The following CLEC9A variants were observed in gnomAD, a reference collection of about 807,000 sequenced individuals.
The protein encoded by CLEC9A is C-type lectin domain family 9 member A.
Under a neutral mutation model 30.0 loss-of-function variants are expected in CLEC9A, and 24 were observed. That is an observed-to-expected ratio of 0.80 (90% CI 0.58 to 1.13). The LOEUF (loss-of-function observed/expected upper bound fraction) is 1.13, where lower values mean the gene tolerates loss of function less well. Among genes scored for constraint, CLEC9A ranks in the 50% most tolerant of loss-of-function variants. The pLI, the probability that CLEC9A is intolerant of heterozygous loss-of-function variation, is 0.00. For synonymous variants in CLEC9A, 111 were observed against 96.8 expected, an observed-to-expected ratio of 1.15 and a Z score of -0.86; for missense variants, 251 against 280.9, an observed-to-expected ratio of 0.89 and a Z score of 0.76.
intron 1 of CLEC9A, among the ~76,000 whole-genome samples, chr12:10,040,512 G>A (rs1316575861): frequency 1.3e-5 from 2 of 150,156 alleles, no homozygotes; most frequent in Admixed American, 6.6e-5. Flanking sequence ...GTGCGGTGGC[G>A]CCATCTCGGC....
intron 4 of CLEC9A, 61 bp from the exon 5 acceptor site, chr12:10,054,210 T>C: frequency 7.7e-7 from 1 of 1,299,390 alleles, no homozygotes; most frequent in Non-Finnish European, 1.1e-6. Context: ...AATCTATCCT[T>C]GCCCCGTCTT....
chr12:10,064,474 C>T (rs1866025257), intron 7 of CLEC9A, among the ~76,000 whole-genome samples: 1 of 152,124 alleles, frequency 6.6e-6, no homozygotes, highest in Non-Finnish European at 1.5e-5. Flanking sequence ...ATACTACCTG[C>T]CAGGCTCTGA....
chr12:10,052,461 C>A (rs989577730), intron 3 of CLEC9A, 169 bp from the exon 4 acceptor site: 5 of 1,206,984 alleles, frequency 4.1e-6, no homozygotes, highest in Non-Finnish European at 4.2e-6. Context: ...AAATTCAGTT[C>A]TCTCTCATTT....
intron 5 of CLEC9A, among the ~76,000 whole-genome samples, chr12:10,058,906 T>A (rs547872605): frequency 6.6e-6 from 1 of 152,348 alleles, no homozygotes; most frequent in African/African-American, 2.4e-5. Flanking sequence ...GTTAAAAATA[T>A]GAAAATAATT....
chr12:10,052,846 A>C, intron 4 of CLEC9A, 68 bp downstream of exon 4: 1 of 1,528,202 alleles, frequency 6.5e-7, no homozygotes, highest in Non-Finnish European at 8.9e-7. Context: ...CTGCTCTATC[A>C]TGAGGCCAAG....
intron 7 of CLEC9A, among the ~76,000 whole-genome samples, chr12:10,064,470 C>A (rs528904676): frequency 6.6e-6 from 1 of 152,158 alleles, no homozygotes; most frequent in Non-Finnish European, 1.5e-5. Flanking sequence ...ACGTATACTA[C>A]CTGCCAGGCT....
In CLEC9A at chr12:10,061,274, G is replaced by T; in HGVS notation, c.319+1G>T. 6.2e-7 allele frequency: 1 copy of T among 1,604,640 alleles called. No individual in the cohort carries two copies. The highest frequency in any genetic ancestry group is 8.5e-7 in the Non-Finnish European group (1 of 1,177,026). On this transcript the variant is annotated splice_donor_variant, in intron 6 of 8. Transcript: ENST00000355819. LOFTEE classifies it high-confidence loss of function. Reference sequence around the variant, plus strand: ...TTCATGCAAAACTCATTAAGTTCAGGTAATGGATAAAAATCAGTTTCCACT... The same window carrying T: ...TTCATGCAAAACTCATTAAGTTCAGTTAATGGATAAAAATCAGTTTCCACT...
At chr12:10,057,618 G>A (rs1404375007) in intron 5 of CLEC9A, among the ~76,000 whole-genome samples, 1 of 151,792 alleles carries the variant, frequency 6.6e-6, no homozygotes, top group Non-Finnish European at 1.5e-5. Flanking sequence ...TCTCACGAAA[G>A]AAGCAGATTT....
At chr12:10,049,755 T>C (rs1369738678) in intron 2 of CLEC9A, among the ~76,000 whole-genome samples, 1 of 152,338 alleles carries the variant, frequency 6.6e-6, no homozygotes, top group Non-Finnish European at 1.5e-5. Flanking sequence ...CTTGATCTTC[T>C]ATCTAGACCA....
chr12:10,039,870 G>T (rs1565588570), intron 1 of CLEC9A, among the ~76,000 whole-genome samples: 1 of 2,362 alleles, frequency 4.2e-4, no homozygotes, highest in Non-Finnish European at 0.031. Flanking sequence ...CACCCAGGCT[G>T]GAGTTGCAGA....
intron 5 of CLEC9A, among the ~76,000 whole-genome samples, chr12:10,058,533 A>G (rs73259789): frequency 0.014 from 2,091 of 152,200 alleles, 50 homozygotes; most frequent in African/African-American, 0.048. Context: ...GAATATGTAG[A>G]TATGTAAATG....
chr12:10,039,609 C>T (rs1023132595), intron 1 of CLEC9A, among the ~76,000 whole-genome samples: 1 of 152,142 alleles, frequency 6.6e-6, no homozygotes, highest in African/African-American at 2.4e-5. Context: ...TCTATTCTCT[C>T]TACCTAAAAT....
chr12:10,064,253 A>T (rs1347837142), intron 7 of CLEC9A, among the ~76,000 whole-genome samples: 3 of 152,170 alleles, frequency 2.0e-5, no homozygotes, highest in Non-Finnish European at 4.4e-5. Context: ...TGTAGGTGCA[A>T]AAAGTTATTT....
rs763749331 is a variant in CLEC9A at position 10,061,224 on chromosome 12, C to T, written c.270C>T (p.Ala90=). The change falls in exon 6 of 9, where the codon GCC becomes GCT. Residue 90 remains alanine, a synonymous_variant. Transcript: ENST00000355819. ...TTACAGAATGGAAGAGAAGCTGTGC[C>T]CTTCAGATGAAATATTGCCAAGCCT... ...LNFTEWKRSC[A]LQMKYCQAFM... is the part of the protein sequence containing the mutation. 6.2e-7 allele frequency: 1 copy of T among 1,610,900 alleles called. No individual in the cohort carries two copies. Among genetic ancestry groups the T allele is most frequent in the Non-Finnish European group, 8.5e-7 (1 of 1,178,974 alleles).
intron 7 of CLEC9A, among the ~76,000 whole-genome samples, chr12:10,063,826 G>A (rs1316915098): frequency 2.6e-5 from 4 of 152,130 alleles, no homozygotes; most frequent in South Asian, 2.1e-4. Flanking sequence ...TGGCCAACAC[G>A]GTGAAACCCT....
intron 7 of CLEC9A, 83 bp downstream of exon 7, chr12:10,063,289 A>C: frequency 7.9e-7 from 1 of 1,270,120 alleles, no homozygotes; most frequent in African/African-American, 1.6e-5. Flanking sequence ...CATAAGACAA[A>C]ATTCCTTAAT....
At chr12:10,044,432 G>A (rs1395715301) in intron 2 of CLEC9A, among the ~76,000 whole-genome samples, 1 of 152,100 alleles carries the variant, frequency 6.6e-6, no homozygotes, top group East Asian at 1.9e-4. Context: ...ACAGACCATG[G>A]GCTTTATCTC....
chr12:10,042,945 A>G (rs1275456112), intron 2 of CLEC9A, among the ~76,000 whole-genome samples: 1 of 152,184 alleles, frequency 6.6e-6, no homozygotes, highest in Non-Finnish European at 1.5e-5. Flanking sequence ...TCCTCAATTG[A>G]TTGAAGATAT....
intron 2 of CLEC9A, chr12:10,043,228 C>A: frequency 2.6e-6 from 1 of 382,406 alleles, no homozygotes. Flanking sequence ...TACATCAAAG[C>A]CAGGACTGGT....
Sources: gnomAD v4.1 joint callset for allele counts (sites outside exome capture counted in the v4.1 genomes callset) on GRCh38, gnomAD v4.1.1 for gene constraint, MANE v1.5 for transcripts, NCBI Gene and HGNC (gene_info 2026-07-23, HGNC 2026-07-21) for gene names.